Variants in APC observed in about 807,000 individuals in gnomAD.
APC encodes adenomatous polyposis coli protein.
Under a neutral mutation model 247.0 loss-of-function variants are expected in APC, and 72 were observed. That is an observed-to-expected ratio of 0.29 (90% CI 0.24 to 0.35). The LOEUF (loss-of-function observed/expected upper bound fraction) is 0.35, where lower values mean the gene tolerates loss of function less well. Ranked by LOEUF, APC falls within the 10% of genes least tolerant of loss-of-function variation. The pLI, the probability that APC is intolerant of heterozygous loss-of-function variation, is 1.00. For missense variants in APC, 3,400 were observed against 3,360.7 expected (o/e 1.01, Z -0.29); for synonymous variants, 1,254 against 1,162.5 (o/e 1.08, Z -1.60).
At position 112,707,801 on chromosome 5, in the gene APC, C is replaced by A. The variant is rs1750609849; in HGVS notation, c.84C>A (p.Gly28=). 7.3e-7 allele frequency: 1 copy of A among 1,370,488 alleles called. No individual in the cohort carries two copies. The highest frequency in any genetic ancestry group is 1.4e-5 in the African/African-American group (1 of 69,752). The allele number at this position is 1,370,488 out of a possible 1,614,324, so 84.9% of individuals were successfully genotyped here. A position where few individuals can be genotyped will look rare whatever the true frequency, so the allele number is the denominator to read the frequency against. ...CAGTTCTCGGGTCCTGGAGCACCGG[C>A]GGCAGCAGGAGCTGCGTCCGGCAGG... is the stretch of plus-strand genomic sequence containing the variant. Residue 28 remains glycine, a synonymous_variant, in exon 1 of 14, where the codon GGC becomes GGA. Coordinates refer to the APC transcript ENST00000507379.
intron 2 of APC, among the ~76,000 whole-genome samples, chr5:112,758,546 C>T (rs1755255380): frequency 6.6e-6 from 1 of 151,990 alleles, no homozygotes; most frequent in African/African-American, 2.4e-5. Flanking sequence ...AGGCTGGTCT[C>T]GAACTCCTGA....
rs1060504868 is a variant in APC at position 112,841,459 on chromosome 5, T to C, written c.5865T>C (p.Ala1955=). The change falls in exon 16 of 16, where the codon GCT becomes GCC. Residue 1955 remains alanine (A), a synonymous_variant. Coordinates refer to ENST00000257430, the MANE Select transcript of APC (RefSeq NM_000038.6). This position sits in a 1 kb window ranked among gnomAD's most constrained non-coding sequence, Gnocchi z 4.6. The stretch of plus-strand genomic sequence containing the variant: ...CTGATGAAAAGTTACAGAATTTTGC[T>C]ATTGAAAATACTCCGGTTTGCTTTT... ...AATDEKLQNF[A]IENTPVCFSH... The C allele has an allele frequency of 1.9e-6, 3 of 1,613,872 alleles. No individual in the cohort carries two copies. The highest frequency in any genetic ancestry group is 2.5e-6 in the Non-Finnish European group (3 of 1,179,758).
chr5:112,724,659 T>A (rs1305650821), intron 1 of APC, among the ~76,000 whole-genome samples: 1 of 152,152 alleles, frequency 6.6e-6, no homozygotes, highest in Admixed American at 6.5e-5. Flanking sequence ...GGAAGGCTTT[T>A]GGGAGAGGTC....
chr5:112,744,149 A>G (rs1170095794), intron 1 of APC, among the ~76,000 whole-genome samples: 1 of 152,022 alleles, frequency 6.6e-6, no homozygotes, highest in African/African-American at 2.4e-5. Flanking sequence ...CACCTGTAAC[A>G]TATCTTTTTA....
intron 8 of APC, among the ~76,000 whole-genome samples, chr5:112,807,035 A>G (rs1402958097): frequency 2.0e-5 from 3 of 151,604 alleles, no homozygotes; most frequent in Non-Finnish European, 4.4e-5. Flanking sequence ...TGGGAGGCTG[A>G]GGCAGGAAAA....
At chr5:112,818,267 G>T (rs1233687384) in intron 9 of APC, among the ~76,000 whole-genome samples, 2 of 152,176 alleles carry the variant, frequency 1.3e-5, no homozygotes, top group Non-Finnish European at 2.9e-5. Flanking sequence ...GGATAACTGG[G>T]TGCCACTTTC....
chr5:112,762,117 A>G (rs1420944099), intron 2 of APC, among the ~76,000 whole-genome samples: 2 of 152,212 alleles, frequency 1.3e-5, no homozygotes, highest in South Asian at 2.1e-4. Flanking sequence ...AAAAAGAAAG[A>G]TAAATGGCAG....
At chr5:112,811,779 C>A (rs956628517) in intron 8 of APC, among the ~76,000 whole-genome samples, 4 of 152,152 alleles carry the variant, frequency 2.6e-5, no homozygotes, top group African/African-American at 9.7e-5. Flanking sequence ...AACAAATTGC[C>A]CCCAAAACTT....
chr5:112,739,231 A>T (rs184915907), intron 1 of APC, among the ~76,000 whole-genome samples: 36 of 152,178 alleles, frequency 2.4e-4, no homozygotes, highest in Non-Finnish European at 4.4e-4. Flanking sequence ...AGTGTTTTTC[A>T]TTGAGCTTTT....
Position 112,782,620 on chromosome 5 carries a change from CT to C in APC, c.645+1718del, listed in dbSNP as rs761452748. ...TTTTTTCTTACCTTCCCTCTTGCCC[CT>C]ATCCCAGTCAGAAAGATTCGTGACT... On this transcript the variant is annotated intron_variant, in intron 6 of 15. Transcript: ENST00000257430. Among the ~76,000 whole-genome samples the C allele has an allele frequency of 4.7e-4, 71 of 152,278 alleles. 1 individual carries two copies. Among genetic ancestry groups the C allele is most frequent in the South Asian group, 1.2e-3 (6 of 4,822 alleles).
intron 1 of APC, 39 bp downstream of exon 1, chr5:112,737,964 G>T: frequency 1.0e-6 from 1 of 982,322 alleles, no homozygotes; most frequent in Non-Finnish European, 1.2e-6. Flanking sequence ...TTGCTGCGGG[G>T]GGAGGGGGGA....
chr5:112,767,414 C>A (rs2149790283), intron 4 of APC, 24 bp downstream of exon 4: 1 of 1,559,750 alleles, frequency 6.4e-7, no homozygotes, highest in Non-Finnish European at 8.8e-7. Flanking sequence ...ATATAGTAAA[C>A]ATTGCCTTGT....
chr5:112,730,672 G>A (rs1162863524), intron 1 of APC, among the ~76,000 whole-genome samples: 1 of 152,124 alleles, frequency 6.6e-6, no homozygotes, highest in African/African-American at 2.4e-5. Context: ...TAGCAATCTT[G>A]AATTAATTTG....
intron 1 of APC, among the ~76,000 whole-genome samples, chr5:112,728,645 TTTTTTG>T (rs1305302169): frequency 6.6e-6 from 1 of 152,196 alleles, no homozygotes. Flanking sequence ...ATTGTGTTTT[TTTTTTG>T]TTTTGTCAAC....
intron 1 of APC, among the ~76,000 whole-genome samples, chr5:112,720,650 G>A (rs966772092): frequency 2.6e-5 from 4 of 152,178 alleles, no homozygotes; most frequent in African/African-American, 9.7e-5. Flanking sequence ...GAGTGGCATA[G>A]GTAGAAAAAT....
In APC at chr5:112,819,067, A is replaced by G. The variant is rs1057521594; in HGVS notation, c.1035A>G (p.Ile345Met). 6.2e-7 allele frequency: 1 copy of G among 1,614,152 alleles called. No homozygotes were observed. The highest frequency in any genetic ancestry group is 8.5e-7 in the Non-Finnish European group (1 of 1,180,016). The change falls in exon 10 of 16, where the codon ATA becomes ATG. Residue 345 changes from isoleucine to methionine, a missense_variant. This residue lies in a region of APC where 199 missense variants were observed against 212.5 expected (regional missense o/e 0.94). Transcript: ENST00000257430. ...TGTCTAGCTCCCAAGACAGCTGTAT[A>G]TCCATGCGACAGTCTGGATGTCTTC... is the stretch of plus-strand genomic sequence containing the variant. ...LAMSSSQDSCISMRQSGCLPL... is the reference protein window; with the variant it reads ...LAMSSSQDSCMSMRQSGCLPL...
At chr5:112,801,101 CGA>C (rs1760766458) in intron 7 of APC, among the ~76,000 whole-genome samples, 176 bp from the exon 8 acceptor site, 1 of 152,080 alleles carries the variant, frequency 6.6e-6, no homozygotes, top group Non-Finnish European at 1.5e-5. Flanking sequence ...TTCCCCTTAC[CGA>C]GATAGTCGAC....
intron 8 of APC, among the ~76,000 whole-genome samples, chr5:112,812,628 G>T (rs1006784126): frequency 2.0e-5 from 3 of 152,114 alleles, no homozygotes; most frequent in Non-Finnish European, 4.4e-5. Context: ...AAATTCAGAT[G>T]CCACTTTTTC....
chr5:112,708,150 T>C (rs974526719), intron 1 of APC, among the ~76,000 whole-genome samples: 1 of 152,230 alleles, frequency 6.6e-6, no homozygotes, highest in African/African-American at 2.4e-5. Context: ...CCCCTGCAAG[T>C]GGTGCCCCAT....
Sources: gnomAD v4.1 joint callset for allele counts (sites outside exome capture counted in the v4.1 genomes callset) on GRCh38, gnomAD v4.1.1 for gene constraint, gnomAD v4.1.1 regional missense constraint, Gnocchi (gnomAD v3.1) non-coding constraint, MANE v1.5 for transcripts, NCBI Gene and HGNC (gene_info 2026-07-23, HGNC 2026-07-21) for gene names.